The following ELF1 variants were observed in gnomAD, a reference collection of about 807,000 sequenced individuals.
ELF1 encodes the protein E74 like ETS transcription factor 1, also known as ETS-related transcription factor Elf-1.
Under a neutral mutation model 59.9 loss-of-function variants are expected in ELF1, and 24 were observed. The observed-to-expected ratio is 0.40, with a 90% CI of 0.29 to 0.56. The LOEUF is 0.56. Among genes scored for constraint, ELF1 ranks in the 20% least tolerant of loss-of-function variants. ELF1 has a pLI of 0.44. For synonymous variants in ELF1, 248 were observed against 266.2 expected (o/e 0.93, Z 0.67); for missense variants, 627 against 742.2 (o/e 0.84, Z 1.80).
At chr13:41,004,386 A>C (rs940648562) in intron 1 of ELF1, among the ~76,000 whole-genome samples, 19 of 152,138 alleles carry the variant, frequency 1.2e-4, no homozygotes, top group African/African-American at 4.6e-4. Context: ...GAATAAGCAA[A>C]GGTGACCCTA....
intron 5 of ELF1, among the ~76,000 whole-genome samples, chr13:40,946,649 A>G (rs139430006): frequency 6.6e-6 from 1 of 152,232 alleles, no homozygotes; most frequent in East Asian, 1.9e-4. Context: ...AGACAGCAAG[A>G]CCAAACCCTT....
intron 1 of ELF1, among the ~76,000 whole-genome samples, chr13:40,990,138 CAT>C (rs1342216876): frequency 2.0e-5 from 3 of 152,110 alleles, no homozygotes; most frequent in Non-Finnish European, 1.5e-5. Flanking sequence ...ACACAAGAAA[CAT>C]ATTTATGACA....
chr13:40,945,383 C>G (rs1870441422), intron 5 of ELF1, among the ~76,000 whole-genome samples: 1 of 152,046 alleles, frequency 6.6e-6, no homozygotes, highest in African/African-American at 2.4e-5. Flanking sequence ...TCTTCTCAGC[C>G]CTTTGAAGAT....
chr13:41,012,525 A>AT (rs897926430), intron 1 of ELF1, among the ~76,000 whole-genome samples: 8 of 133,400 alleles, frequency 6.0e-5, no homozygotes, highest in Admixed American at 1.5e-4. Context: ...TCTAAGTTTG[A>AT]TTTTTTTTTC....
intron 1 of ELF1, among the ~76,000 whole-genome samples, chr13:41,032,485 T>G (rs9532709): frequency 0.32 from 48,413 of 151,866 alleles, 9,367 homozygotes; most frequent in Middle Eastern, 0.46. Flanking sequence ...CCCAAAGTGC[T>G]GGGATTACAG....
At chr13:40,962,553 A>G (rs1026727891) in intron 2 of ELF1, among the ~76,000 whole-genome samples, 2 of 151,598 alleles carry the variant, frequency 1.3e-5, no homozygotes, top group Admixed American at 1.3e-4. Context: ...AGTCATGGTG[A>G]CGGGCACCTG....
upstream of ELF1, among the ~76,000 whole-genome samples, chr13:41,023,153 C>T (rs1316582626): frequency 6.6e-6 from 1 of 152,028 alleles, no homozygotes; most frequent in Non-Finnish European, 1.5e-5. Flanking sequence ...ATTTAAATGC[C>T]AACTAAATTT....
intron 8 of ELF1, among the ~76,000 whole-genome samples, chr13:40,936,760 C>CAAAAAAAA (rs368388366): frequency 2.6e-5 from 2 of 77,122 alleles, no homozygotes; most frequent in African/African-American, 1.3e-4. Context: ...GACTCCGTCT[C>CAAAAAAAA]AAAAAAAAAA....
At chr13:41,025,419 C>G (rs1490353059) in intron 1 of ELF1, among the ~76,000 whole-genome samples, 1 of 152,204 alleles carries the variant, frequency 6.6e-6, no homozygotes, top group Non-Finnish European at 1.5e-5. Context: ...CTTAGAGACA[C>G]TTTATCCAGT....
At chr13:40,960,808 G>A (rs565100287) in intron 2 of ELF1, among the ~76,000 whole-genome samples, 1 of 152,268 alleles carries the variant, frequency 6.6e-6, no homozygotes, top group East Asian at 1.9e-4. Context: ...TATGTATCTT[G>A]TGGGAAGTTA....
In ELF1 at chr13:41,060,150, G is replaced by A. The variant is rs542386146; in HGVS notation, c.-229+688C>T. Among the ~76,000 whole-genome samples, 686 of 152,310 alleles carry A rather than the reference G, an allele frequency of 4.5e-3. 1 individual carries two copies. The highest frequency in any genetic ancestry group is 8.2e-3 in the Admixed American group (126 of 15,306). ...CGGGTGGAGACGCGAGCGCACACGC[G>A]GCGGAAAGGGGCGCCGGGCGGCTGC... On this transcript the variant is annotated intron_variant, in intron 1 of 1. Transcript: ENST00000405737.
chr13:40,944,047 T>A lies in ELF1; in HGVS notation c.530-122A>T, dbSNP rs1025646053. 10 of 788,910 alleles carry A rather than the reference T, an allele frequency of 1.3e-5. No homozygotes were observed. In the Admixed American group the frequency reaches 2.9e-4, roughly 22 times the overall value. 48.9% of individuals were successfully genotyped at this position (788,910 alleles called of 1,614,324 possible). ...CAAATGTTTTTATACATGGGTCACA[T>A]ATACAGGTCTCTTAAAATGCTGTTT... On this transcript the variant is annotated intron_variant, in intron 5 of 8. Transcript: ENST00000239882.
intron 1 of ELF1, among the ~76,000 whole-genome samples, chr13:41,030,839 A>C (rs1390602784): frequency 6.6e-6 from 1 of 151,412 alleles, no homozygotes; most frequent in Non-Finnish European, 1.5e-5. Flanking sequence ...TGGGGGGTGC[A>C]GTGGGGAGGT....
intron 1 of ELF1, among the ~76,000 whole-genome samples, chr13:41,058,145 A>G (rs1432659029): frequency 6.6e-6 from 1 of 152,238 alleles, no homozygotes; most frequent in African/African-American, 2.4e-5. Context: ...TCCAAGAGAC[A>G]GAAATGGTTT....
intron 8 of ELF1, among the ~76,000 whole-genome samples, chr13:40,940,698 A>C (rs112624527): frequency 1.3e-5 from 2 of 152,348 alleles, no homozygotes; most frequent in African/African-American, 2.4e-5. Context: ...GTAGTATTTG[A>C]CAGAATAATG....
chr13:40,991,621 T>TTTTTTTTTTTTTTTTTTTTTTTTTTTTTG (rs1416216016), intron 1 of ELF1, among the ~76,000 whole-genome samples: 1 of 152,154 alleles, frequency 6.6e-6, no homozygotes, highest in Non-Finnish European at 1.5e-5. Flanking sequence ...GTAAAATTGT[T>TTTTTTTTTTTTTTTTTTTTTTTTTTTTTG]AAAGAAAATC....
chr13:40,946,136 G>A (rs1436628374), intron 5 of ELF1, among the ~76,000 whole-genome samples: 1 of 152,174 alleles, frequency 6.6e-6, no homozygotes, highest in Non-Finnish European at 1.5e-5. Context: ...ACTGAGCATG[G>A]CCCAATTTCA....
At chr13:40,961,197 G>T (rs777003065) in intron 2 of ELF1, among the ~76,000 whole-genome samples, 1 of 152,128 alleles carries the variant, frequency 6.6e-6, no homozygotes, top group Admixed American at 6.5e-5. Flanking sequence ...CACATTGTAG[G>T]TGCTAAACAG....
intron 1 of ELF1, among the ~76,000 whole-genome samples, chr13:41,058,505 G>A (rs561089349): frequency 2.6e-5 from 4 of 152,270 alleles, no homozygotes; most frequent in East Asian, 1.9e-4. Flanking sequence ...CATATTCTAC[G>A]TAATGCACAA....
Sources: gnomAD v4.1 joint callset for allele counts (sites outside exome capture counted in the v4.1 genomes callset) on GRCh38, gnomAD v4.1.1 for gene constraint, MANE v1.5 for transcripts, NCBI Gene and HGNC (gene_info 2026-07-23, HGNC 2026-07-21) for gene names.